Variants in CFAP206 observed in about 807,000 individuals in gnomAD.
CFAP206 encodes cilia and flagella associated protein 206.
In CFAP206, 53 loss-of-function variants were observed where a neutral mutation model predicts 65.4. The ratio of observed to expected loss-of-function variants is 0.81; its 90% CI spans 0.65 to 1.02. The LOEUF (loss-of-function observed/expected upper bound fraction) is 1.02. Among genes scored for constraint, CFAP206 ranks in the 50% least tolerant of loss-of-function variants. The probability of loss-of-function intolerance (pLI) is 0.00; values close to 1 mark genes in which losing one functional copy is unlikely to be tolerated. For synonymous variants in CFAP206, 250 were observed against 254.4 expected (o/e 0.98, Z 0.17); for missense variants, 663 against 753.2 (o/e 0.88, Z 1.40).
chr6:87,452,306 A>G (rs1236161655), intron 11 of CFAP206, among the ~76,000 whole-genome samples: 2 of 152,252 alleles, frequency 1.3e-5, no homozygotes. Context: ...GACCAAAGTC[A>G]TAGATCACAA....
chr6:87,440,990 G>A (rs934195284), intron 11 of CFAP206, among the ~76,000 whole-genome samples: 2 of 152,166 alleles, frequency 1.3e-5, no homozygotes, highest in East Asian at 1.9e-4. Context: ...GGAAGATATA[G>A]TATGTAGCTC....
intron 10 of CFAP206, among the ~76,000 whole-genome samples, chr6:87,431,586 C>G (rs761206256): frequency 6.6e-6 from 1 of 151,962 alleles, no homozygotes. Context: ...GCCAACATGT[C>G]GAAACCCTGT....
intron 11 of CFAP206, among the ~76,000 whole-genome samples, chr6:87,448,931 A>T (rs1768493626): frequency 6.6e-6 from 1 of 152,112 alleles, no homozygotes; most frequent in African/African-American, 2.4e-5. Flanking sequence ...TTGTTTCCAT[A>T]TCTTGACTAT....
Position 87,418,419 on chromosome 6 carries a change from G to A in CFAP206, c.840+3G>A, listed in dbSNP as rs756086625. On this transcript the variant is annotated splice_donor_region_variant and intron_variant, in intron 7 of 12. Transcript: ENST00000369562. The stretch of plus-strand genomic sequence containing the variant: ...AGGTCTTCCTTCAGATCATTTTGGT[G>A]AGTTAAGTTCATAAGACCTGACCTT... 3 of 1,613,126 alleles carry A rather than the reference G, an allele frequency of 1.9e-6. No individual in the cohort carries two copies. Among genetic ancestry groups the A allele is most frequent in the Non-Finnish European group, 2.5e-6 (3 of 1,179,408 alleles).
At chr6:87,422,992 G>A (rs182212453) in intron 7 of CFAP206, among the ~76,000 whole-genome samples, 4 of 150,312 alleles carry the variant, frequency 2.7e-5, no homozygotes, top group East Asian at 4.0e-4. Flanking sequence ...GTGCAATCTC[G>A]GTTTACCTCT....
At chr6:87,430,181 T>C (rs1243592148) in intron 9 of CFAP206, among the ~76,000 whole-genome samples, 1 of 152,174 alleles carries the variant, frequency 6.6e-6, no homozygotes, top group Non-Finnish European at 1.5e-5. Flanking sequence ...CTTTCAGGCA[T>C]ATCAGGAAAA....
rs117975289 is a variant in CFAP206, at chr6:87,419,948, T to C, written c.840+1532T>C. On this transcript the variant is annotated intron_variant, in intron 7 of 12. Coordinates refer to ENST00000369562, the MANE Select transcript of CFAP206 (RefSeq NM_001031743.3). ...TAAAATTAGCCAAGCATGGTGGTAC[T>C]AACCTGTAATCCCAGCTACTTGGGA... 9.7e-3 allele frequency among the ~76,000 whole-genome samples: 1,476 copies of C among 152,228 alleles called. 11 individuals carry two copies. The highest frequency in any genetic ancestry group is 0.036 in the South Asian group (175 of 4,822).
At chr6:87,451,269 G>C (rs1237018087) in intron 11 of CFAP206, among the ~76,000 whole-genome samples, 2 of 152,158 alleles carry the variant, frequency 1.3e-5, no homozygotes, top group African/African-American at 4.8e-5. Context: ...AGTGCAGCTT[G>C]GAGTTCTGGG....
At chr6:87,441,946 C>T (rs1245761700) in intron 11 of CFAP206, 2 of 274,130 alleles carry the variant, frequency 7.3e-6, no homozygotes, top group Non-Finnish European at 1.5e-5. Context: ...GATAAACGTG[C>T]TACTGTCACT....
chr6:87,433,088 C>G (rs1392202243), intron 10 of CFAP206, among the ~76,000 whole-genome samples: 1 of 152,224 alleles, frequency 6.6e-6, no homozygotes, highest in Admixed American at 6.5e-5. Context: ...TTGAAGCCCA[C>G]TTTCACCTCA....
chr6:87,409,940 C>A lies in CFAP206; in HGVS notation c.101C>A (p.Ala34Asp). 6.2e-7 allele frequency: 1 copy of A among 1,600,832 alleles called. No homozygotes were observed. Among genetic ancestry groups the A allele is most frequent in the Non-Finnish European group, 8.5e-7 (1 of 1,171,056 alleles). Residue 34 changes from alanine (A) to aspartate (D), a missense_variant, in exon 2 of 13, where the codon GCT (alanine) becomes GAT (aspartate). Transcript: ENST00000369562. ...HGEIVSETLI[A>D]FMVKAVVLDP... is the part of the protein sequence containing the mutation. ...GAGATTGTTTCTGAAACTCTGATTG[C>A]TTTTATGGTAAGAAGAAATATTTTT...
In CFAP206 at chr6:87,422,710, C is replaced by T. The variant is rs145714902; in HGVS notation, c.841-3816C>T. On this transcript the variant is annotated intron_variant, in intron 7 of 12. Coordinates refer to ENST00000369562, the MANE Select transcript of CFAP206 (RefSeq NM_001031743.3). ...AGGCTGCAGTGAGCTGAGATTGCAC[C>T]ACTGCACTCTAGCCTGGGCCACAGA... Among the ~76,000 whole-genome samples the T allele has an allele frequency of 5.2e-3, 771 of 149,460 alleles. 6 individuals are homozygous for T. The highest frequency in any genetic ancestry group is 0.017 in the African/African-American group (681 of 40,574).
chr6:87,447,449 G>A (rs529644009), intron 11 of CFAP206, among the ~76,000 whole-genome samples: 2 of 152,030 alleles, frequency 1.3e-5, no homozygotes, highest in African/African-American at 2.4e-5. Flanking sequence ...GGTTTTTGTC[G>A]TTTGTTCTGT....
chr6:87,443,972 A>G (rs1018086886), intron 11 of CFAP206, among the ~76,000 whole-genome samples: 2 of 152,110 alleles, frequency 1.3e-5, no homozygotes, highest in Non-Finnish European at 2.9e-5. Flanking sequence ...TATTTTCATC[A>G]TAGTTCGGTT....
chr6:87,453,205 T>A (rs559677577), intron 11 of CFAP206, among the ~76,000 whole-genome samples: 42 of 151,896 alleles, frequency 2.8e-4, no homozygotes, highest in Middle Eastern at 6.8e-3. Flanking sequence ...GAAAAAAAAA[T>A]TTTTTATCCT....
chr6:87,420,317 A>G (rs1767916620), intron 7 of CFAP206, among the ~76,000 whole-genome samples: 1 of 152,218 alleles, frequency 6.6e-6, no homozygotes, highest in African/African-American at 2.4e-5. Context: ...CTGTCACACA[A>G]CTGTAAGGAT....
rs577758221 is a variant in CFAP206, at chr6:87,442,564, T to C, written c.1494+7511T>C. ...GCGAAATTGGGCAACTTTGTCTTCT[T>C]ATCCCCCCAAATAATATTTCTGATA... On this transcript the variant is annotated intron_variant, in intron 11 of 12. Transcript: ENST00000369562. Among the ~76,000 whole-genome samples, 24 of 152,314 alleles carry C rather than the reference T, an allele frequency of 1.6e-4. No homozygotes were observed. In the South Asian group the frequency reaches 5.0e-3, roughly 32 times the overall value.
chr6:87,439,875 A>G (rs555061544), intron 11 of CFAP206, among the ~76,000 whole-genome samples: 14 of 152,236 alleles, frequency 9.2e-5, no homozygotes, highest in Admixed American at 1.3e-4. Context: ...CAGTTATTCA[A>G]TTTTAAAAAA....
intron 11 of CFAP206, among the ~76,000 whole-genome samples, chr6:87,445,879 T>G (rs1187086850): frequency 6.6e-6 from 1 of 152,202 alleles, no homozygotes. Flanking sequence ...GTTTCTTCAC[T>G]TTTTAATAAT....
Sources: gnomAD v4.1 joint callset for allele counts (sites outside exome capture counted in the v4.1 genomes callset) on GRCh38, gnomAD v4.1.1 for gene constraint, MANE v1.5 for transcripts, NCBI Gene and HGNC (gene_info 2026-07-23, HGNC 2026-07-21) for gene names.